Variants in SEL1L3 observed in about 807,000 individuals in gnomAD.
SEL1L3 encodes SEL1L family member 3.
SEL1L3 carries 76 observed loss-of-function variants against 142.8 expected under a neutral mutation model. The ratio of observed to expected loss-of-function variants is 0.53; its 90% CI spans 0.44 to 0.64. SEL1L3 has a LOEUF of 0.64. Ranked by LOEUF, SEL1L3 falls within the 30% of genes least tolerant of loss-of-function variation. SEL1L3 has a pLI of 0.00. For missense variants in SEL1L3, 1,262 were observed against 1,381.7 expected, an observed-to-expected ratio of 0.91 and a Z score of 1.37; for synonymous variants, 504 against 519.6, an observed-to-expected ratio of 0.97 and a Z score of 0.41.
At position 25,748,141 on chromosome 4, in the gene SEL1L3, A is replaced by G. The variant is rs1717358592; in HGVS notation, c.*284T>C. The G allele has an allele frequency of 1.2e-5, 5 of 413,574 alleles. No homozygotes were observed. The highest frequency in any genetic ancestry group is 1.8e-5 in the Non-Finnish European group (4 of 225,628). 25.6% of individuals were successfully genotyped at this position (413,574 alleles called of 1,614,324 possible). On this transcript the variant is annotated 3_prime_UTR_variant, in exon 24 of 24. Transcript: ENST00000399878. ...TAGGGCATGCTATGACTCCTAATAC[A>G]TACAATCACTAGAACAAAAGTCTGT...
upstream of SEL1L3, chr4:25,863,006 C>T: frequency 4.1e-6 from 1 of 241,702 alleles, no homozygotes; most frequent in Non-Finnish European, 6.5e-6. Context: ...CCGCCGTCGC[C>T]GCCCCCGCAG....
intron 11 of SEL1L3, among the ~76,000 whole-genome samples, chr4:25,801,663 G>A (rs931506941): frequency 6.6e-6 from 1 of 152,100 alleles, no homozygotes; most frequent in African/African-American, 2.4e-5. Flanking sequence ...CAAAATTGGG[G>A]GCTGGAGTTA....
chr4:25,767,499 A>G, intron 19 of SEL1L3, 26 bp downstream of exon 19: 3 of 1,302,658 alleles, frequency 2.3e-6, no homozygotes, highest in South Asian at 1.3e-5. Flanking sequence ...TAATGCTTCA[A>G]TTTTGCACCG....
rs559040488 is a variant in SEL1L3 at position 25,764,079 on chromosome 4, G to T, written c.2955+1247C>A. 5.9e-5 allele frequency among the ~76,000 whole-genome samples: 9 copies of T among 152,262 alleles called. No homozygotes were observed. In the East Asian group the frequency reaches 1.5e-3, roughly 26 times the overall value. ...TGAGAATCATCGTTAGAACAGCATG[G>T]TAATAATCGTAATAGGCAAAATTCT... On this transcript the variant is annotated intron_variant, in intron 20 of 23. Transcript: ENST00000399878.
chr4:25,809,410 G>A (rs906272289), intron 9 of SEL1L3, among the ~76,000 whole-genome samples: 3 of 151,610 alleles, frequency 2.0e-5, no homozygotes, highest in Non-Finnish European at 4.4e-5. Flanking sequence ...CTACCAAAGT[G>A]CTGGGATTAC....
chr4:25,800,339 A>G (rs1337682173), intron 11 of SEL1L3, among the ~76,000 whole-genome samples: 1 of 152,246 alleles, frequency 6.6e-6, no homozygotes, highest in African/African-American at 2.4e-5. Flanking sequence ...ATGAGCTATG[A>G]CACAACTCTT....
At chr4:25,764,449 CTGAA>C (rs1305831550) in intron 20 of SEL1L3, among the ~76,000 whole-genome samples, 4 of 152,216 alleles carry the variant, frequency 2.6e-5, no homozygotes, top group Admixed American at 1.3e-4. Flanking sequence ...TTAGGGGAAG[CTGAA>C]TGAAGGGTAT....
chr4:25,793,371 C>T (rs958120008), intron 11 of SEL1L3, among the ~76,000 whole-genome samples: 2 of 152,146 alleles, frequency 1.3e-5, no homozygotes, highest in Non-Finnish European at 2.9e-5. Context: ...CAGGCTTGAC[C>T]TCCCTGAGCT....
intron 23 of SEL1L3, chr4:25,756,168 C>A (rs1386127438): frequency 1.0e-6 from 1 of 985,312 alleles, no homozygotes; most frequent in Non-Finnish European, 1.2e-6. Context: ...AATGCCATGT[C>A]CAGTCCTAAT....
intron 15 of SEL1L3, among the ~76,000 whole-genome samples, chr4:25,781,782 C>A (rs77598957): frequency 7.9e-4 from 121 of 152,254 alleles, no homozygotes; most frequent in Admixed American, 2.0e-3. Context: ...TTGCATGGTG[C>A]TTGGCACAGA....
At chr4:25,846,024 T>G (rs1039997758) in intron 2 of SEL1L3, among the ~76,000 whole-genome samples, 2 of 152,180 alleles carry the variant, frequency 1.3e-5, no homozygotes, top group Non-Finnish European at 2.9e-5. Context: ...GCCTAGGAAT[T>G]TGCATTTGCA....
chr4:25,830,531 T>G (rs999849290), intron 5 of SEL1L3, among the ~76,000 whole-genome samples: 1 of 152,174 alleles, frequency 6.6e-6, no homozygotes, highest in Non-Finnish European at 1.5e-5. Flanking sequence ...ATCAGAGCCT[T>G]AGGGGGAAAA....
In SEL1L3 at chr4:25,847,197, C is replaced by T. The variant is rs1716575200; in HGVS notation, c.733+97G>A. 1.0e-5 allele frequency: 10 copies of T among 983,384 alleles called. No homozygotes were observed. The South Asian group carries it at 1.2e-4, about 11-fold the overall frequency. 60.9% of individuals were successfully genotyped at this position (983,384 alleles called of 1,614,324 possible). On this transcript the variant is annotated intron_variant, in intron 2 of 23. Coordinates refer to ENST00000399878, the MANE Select transcript of SEL1L3 (RefSeq NM_015187.5). Reference sequence around the variant, plus strand: ...GTGTCCCTCCATCTTCCCTGTATCCCCCTTCGCTAATAGAAGAATTTTCTC... The same window carrying T: ...GTGTCCCTCCATCTTCCCTGTATCCTCCTTCGCTAATAGAAGAATTTTCTC...
chr4:25,738,010 C>T, the SEL1L3 span, among the ~76,000 whole-genome samples: 3 of 152,062 alleles, frequency 2.0e-5, no homozygotes, highest in African/African-American at 4.8e-5. Flanking sequence ...CTGCCTCAGC[C>T]GCCTGAGTAG....
At chr4:25,853,414 T>C (rs976775487) in intron 1 of SEL1L3, among the ~76,000 whole-genome samples, 5 of 152,184 alleles carry the variant, frequency 3.3e-5, no homozygotes, top group African/African-American at 1.2e-4. Context: ...CCAAGGTATA[T>C]AGGTGTTAGA....
In SEL1L3 at chr4:25,818,123, C is replaced by T; in HGVS notation, c.1564+15G>A. 6.2e-7 allele frequency: 1 copy of T among 1,609,386 alleles called. No homozygotes were observed. Among genetic ancestry groups the T allele is most frequent in the Non-Finnish European group, 8.5e-7 (1 of 1,177,872 alleles). On this transcript the variant is annotated intron_variant, in intron 9 of 23. Coordinates refer to ENST00000399878, the MANE Select transcript of SEL1L3 (RefSeq NM_015187.5). ...TTCTAACCAGCGCCTAAAGCCGAGG[C>T]AAAGACTCAATTACCGGTCAGCAGA...
At chr4:25,784,458 A>T (rs755469818) in intron 13 of SEL1L3, among the ~76,000 whole-genome samples, 168 bp from the exon 14 acceptor site, 1 of 152,134 alleles carries the variant, frequency 6.6e-6, no homozygotes, top group Admixed American at 6.5e-5. Context: ...TATCATCATC[A>T]TTATTATTTT....
chr4:25,835,221 C>T lies in SEL1L3; in HGVS notation c.836G>A (p.Arg279Gln), dbSNP rs866916220. Residue 279 changes from arginine (R) to glutamine (Q), a missense_variant, in exon 3 of 24, where the codon CGA becomes CAA. Physicochemically the swap from Arg to Gln is conservative, Grantham distance 43 (BLOSUM62 1). This residue lies in a region of SEL1L3 where 689 missense variants were observed against 692.8 expected (regional missense o/e 0.99). Transcript: ENST00000399878. ...RFRNRELEAT[R>Q]RQRMDYPVFT... ...CACTGGGTAATCCATCCTCTGGCGT[C>T]GAGTGGCCTCCAGCTCTCGGTTCCG... 6.8e-6 allele frequency: 11 copies of T among 1,613,886 alleles called. No individual in the cohort carries two copies. In the Middle Eastern group the frequency reaches 6.6e-4, roughly 96 times the overall value.
rs533360260 is a variant in SEL1L3, at chr4:25,757,267, CA to C, written c.3259+266del. ...TGGGCGACAGAACGAGACTCCATCT[CA>C]AAAAAAACAAAATAAAATAAAAAAT... is the stretch of plus-strand genomic sequence containing the variant. On this transcript the variant is annotated intron_variant, in intron 23 of 23. Transcript: ENST00000399878. Among the ~76,000 whole-genome samples, 295 of 150,054 alleles carry C rather than the reference CA, an allele frequency of 2.0e-3. 1 individual carries two copies. Among genetic ancestry groups the C allele is most frequent in the Middle Eastern group, 0.014 (4 of 294 alleles).
Sources: gnomAD v4.1 joint callset for allele counts (sites outside exome capture counted in the v4.1 genomes callset) on GRCh38, gnomAD v4.1.1 for gene constraint, gnomAD v4.1.1 regional missense constraint, MANE v1.5 for transcripts, NCBI Gene and HGNC (gene_info 2026-07-23, HGNC 2026-07-21) for gene names.